Variants in ZNF214 observed in about 807,000 individuals in gnomAD.
ZNF214 encodes BWSCR2-associated zinc finger protein 1.
ZNF214 carries 43 observed loss-of-function variants against 53.9 expected under a neutral mutation model. The ratio of observed to expected loss-of-function variants is 0.80; its 90% CI spans 0.63 to 1.03. ZNF214 has a LOEUF of 1.03. Among genes scored for constraint, ZNF214 ranks in the 50% least tolerant of loss-of-function variants. The probability of loss-of-function intolerance (pLI) is 0.00; values close to 1 mark genes in which losing one functional copy is unlikely to be tolerated. For missense variants in ZNF214, 724 were observed against 719.1 expected, an observed-to-expected ratio of 1.01 and a Z score of -0.08; for synonymous variants, 217 against 229.5, an observed-to-expected ratio of 0.95 and a Z score of 0.49.
At position 7,012,710 on chromosome 11, in the gene ZNF214, C is replaced by T. The variant is rs543797812; in HGVS notation, c.-21+7363G>A. On this transcript the variant is annotated intron_variant, in intron 1 of 2. Coordinates refer to ENST00000278314, the MANE Select transcript of ZNF214 (RefSeq NM_013249.4). ...GATTATTTGATGCTATGAAATTATC[C>T]CAAGGCATCAAAAACTGTTCAAGGC... Among the ~76,000 whole-genome samples the T allele has an allele frequency of 7.9e-5, 12 of 152,078 alleles. No individual in the cohort carries two copies. In the South Asian group the frequency reaches 2.5e-3, roughly 32 times the overall value.
At position 6,997,337 on chromosome 11, in the gene ZNF214, G is replaced by C. The variant is rs1440441278; in HGVS notation, c.*2525C>G. Among the ~76,000 whole-genome samples, 1 of 151,720 alleles carries C rather than the reference G, an allele frequency of 6.6e-6. No individual in the cohort carries two copies. Among genetic ancestry groups the C allele is most frequent in the African/African-American group, 2.4e-5 (1 of 41,356 alleles). On this transcript the variant is annotated 3_prime_UTR_variant, in exon 3 of 3. Coordinates refer to ENST00000278314, the MANE Select transcript of ZNF214 (RefSeq NM_013249.4). ...TTTAAGCAATATCACATTTTCATCT[G>C]TTATAGCACATAATTAGAAATTTTT...
Position 7,000,664 on chromosome 11 carries a change from C to T in ZNF214, c.1019G>A (p.Ser340Asn). The change falls in exon 3 of 3, where the codon AGT becomes AAT. Residue 340 changes from serine to asparagine, a missense_variant. By Grantham distance (46) the Ser-to-Asn change is conservative. Transcript: ENST00000278314. ...GTGAATGTGAAGTAATGAATTTCTACTGAGGTCTTTATCACACTCAATTTT... is the reference window on the plus strand; with the variant it reads ...GTGAATGTGAAGTAATGAATTTCTATTGAGGTCTTTATCACACTCAATTTT... ...FYKIECDKDLSRNSLLHIHQR... is the reference protein window; with the variant it reads ...FYKIECDKDLNRNSLLHIHQR... The T allele has an allele frequency of 3.1e-6, 5 of 1,599,288 alleles. No homozygotes were observed. The South Asian group carries it at 4.5e-5, about 14-fold the overall frequency.
chr11:7,001,629 G>T lies in ZNF214; in HGVS notation c.128-74C>A. On this transcript the variant is annotated intron_variant, in intron 2 of 2. Transcript: ENST00000278314. ...AAAATTTCCAACTATCTAAATCAAT[G>T]ACCTTTAAATGATAGGAATATATGT... The T allele has an allele frequency of 2.0e-6, 3 of 1,479,260 alleles. No individual in the cohort carries two copies. The South Asian group carries it at 4.1e-5, about 20-fold the overall frequency. The allele number at this position is 1,479,260 out of a possible 1,614,324, so 91.6% of individuals were successfully genotyped here.
chr11:7,000,021 A>G lies in ZNF214; in HGVS notation c.1662T>C (p.Tyr554=), dbSNP rs1564988136. The change falls in exon 3 of 3, where the codon TAT becomes TAC. Residue 554 remains tyrosine (Y), a synonymous_variant. Coordinates refer to ENST00000278314, the MANE Select transcript of ZNF214 (RefSeq NM_013249.4). ...HQRVHTGEKP[Y]QCAKCGKGFS... Reference sequence around the variant, plus strand: ...AACCTTTACCACACTTAGCACATTGATAAGGCTTCTCTCCTGTATGGACCC... The same window carrying G: ...AACCTTTACCACACTTAGCACATTGGTAAGGCTTCTCTCCTGTATGGACCC... 1 of 1,613,356 alleles carries G rather than the reference A, an allele frequency of 6.2e-7. No individual in the cohort carries two copies. The highest frequency in any genetic ancestry group is 8.5e-7 in the Non-Finnish European group (1 of 1,179,538).
intron 1 of ZNF214, among the ~76,000 whole-genome samples, chr11:7,017,680 A>C: frequency 6.6e-6 from 1 of 151,800 alleles, no homozygotes. Context: ...CTGAGGTTGC[A>C]GTGAGCCGAG....
At chr11:7,012,963 G>A (rs1225363117) in intron 1 of ZNF214, among the ~76,000 whole-genome samples, 2 of 150,062 alleles carry the variant, frequency 1.3e-5, no homozygotes, top group African/African-American at 2.4e-5. Flanking sequence ...AAGATAAGTT[G>A]TTGGTTACAT....
chr11:7,017,744 A>G (rs1851807185), intron 1 of ZNF214, among the ~76,000 whole-genome samples: 1 of 152,022 alleles, frequency 6.6e-6, no homozygotes, highest in Non-Finnish European at 1.5e-5. Flanking sequence ...GTCTCAAAAA[A>G]AAAAAAAGCA....
chr11:7,007,853 TGTATTAGTCCATAAAAG>T (rs1477502444), intron 1 of ZNF214, among the ~76,000 whole-genome samples: 1 of 106,756 alleles, frequency 9.4e-6, no homozygotes, highest in Non-Finnish European at 2.2e-5. Flanking sequence ...AGATAGACCA[TGTATTAGTCCATAAAAG>T]AAATCATGAT....
intron 1 of ZNF214, among the ~76,000 whole-genome samples, chr11:7,011,643 C>T (rs974379971): frequency 2.0e-5 from 3 of 152,074 alleles, no homozygotes; most frequent in African/African-American, 4.8e-5. Flanking sequence ...CTGCTTTCAA[C>T]ACAGCACTAG....
chr11:7,018,627 G>C (rs1179875580), intron 1 of ZNF214, among the ~76,000 whole-genome samples: 1 of 149,266 alleles, frequency 6.7e-6, no homozygotes, highest in Non-Finnish European at 1.5e-5. Flanking sequence ...TCAGCCTCCT[G>C]AGTAGCTGGG....
rs1007477925 is a variant in ZNF214, at chr11:7,001,494, A to C, written c.189T>G (p.Asn63Lys). Residue 63 changes from asparagine (N) to lysine (K), a missense_variant, in exon 3 of 3, where the codon AAT becomes AAG. Asn to Lys is a moderately conservative substitution (Grantham distance 94, BLOSUM62 0). Coordinates refer to ENST00000278314, the MANE Select transcript of ZNF214 (RefSeq NM_013249.4). ...EEKFRYLEYE[N>K]FSYWQGWWNA... is the part of the protein sequence containing the mutation. ...TCCACCAGCCTTGCCAGTAGGAAAA[A>C]TTTTCATATTCTAAGTATCTGAATT... 3.7e-6 allele frequency: 6 copies of C among 1,611,556 alleles called. No homozygotes were observed. Among genetic ancestry groups the C allele is most frequent in the African/African-American group, 2.7e-5 (2 of 74,696 alleles).
At position 6,998,919 on chromosome 11, in the gene ZNF214, G is replaced by T. The variant is rs1297942681; in HGVS notation, c.*943C>A. ...TGTATTCCGACTAACTCTATTCTGA[G>T]ATAATGGCCAAACTCTCTTTTTACA... On this transcript the variant is annotated 3_prime_UTR_variant, in exon 3 of 3. Transcript: ENST00000278314. Among the ~76,000 whole-genome samples the T allele has an allele frequency of 6.6e-6, 1 of 151,898 alleles. No individual in the cohort carries two copies. The highest frequency in any genetic ancestry group is 2.4e-5 in the African/African-American group (1 of 41,394).
intron 2 of ZNF214, 27 bp downstream of exon 2, chr11:7,002,682 A>G: frequency 6.4e-7 from 1 of 1,558,608 alleles, no homozygotes; most frequent in Non-Finnish European, 8.6e-7. Context: ...AAGAAACTCT[A>G]TTCCCTATGA....
intron 1 of ZNF214, among the ~76,000 whole-genome samples, chr11:7,005,173 T>C (rs899911319): frequency 2.0e-5 from 3 of 151,882 alleles, no homozygotes; most frequent in African/African-American, 7.2e-5. Context: ...AATAGATATA[T>C]TTCTGTATGA....
chr11:7,007,865 TAAAAG>T (rs142710652), intron 1 of ZNF214, among the ~76,000 whole-genome samples: 86,909 of 151,304 alleles, frequency 0.57, 25,832 homozygotes, highest in East Asian at 0.73. Flanking sequence ...TATTAGTCCA[TAAAAG>T]AAATCATGAT....
intron 1 of ZNF214, among the ~76,000 whole-genome samples, chr11:7,007,017 G>GA (rs1183086639): frequency 6.6e-6 from 1 of 151,532 alleles, no homozygotes; most frequent in African/African-American, 2.4e-5. Context: ...AGTGAACAAA[G>GA]AAAAAAGGAG....
intron 1 of ZNF214, among the ~76,000 whole-genome samples, chr11:7,014,824 A>C (rs1048390827): frequency 2.0e-5 from 3 of 151,104 alleles, no homozygotes; most frequent in East Asian, 1.9e-4. Flanking sequence ...AAAAAACAAA[A>C]AAAAAACACT....
chr11:6,999,951 C>T lies in ZNF214; in HGVS notation c.1732G>A (p.Gly578Arg). ...ALRIHQRVHA[G>R]EKPYKCREYY... Reference sequence around the variant, plus strand: ...TCACGGCATTTGTAAGGTTTCTCTCCTGCATGGACTCTTTGATGAATTCGA... The same window carrying T: ...TCACGGCATTTGTAAGGTTTCTCTCTTGCATGGACTCTTTGATGAATTCGA... Residue 578 changes from glycine (G) to arginine (R), a missense_variant, in exon 3 of 3, where the codon GGA (glycine) becomes AGA (arginine). Physicochemically the swap from Gly to Arg is moderately radical, Grantham distance 125. Transcript: ENST00000278314. 9 of 1,613,076 alleles carry T rather than the reference C, an allele frequency of 5.6e-6. No individual in the cohort carries two copies. The highest frequency in any genetic ancestry group is 7.6e-6 in the Non-Finnish European group (9 of 1,179,430).
chr11:7,009,941 G>T (rs1324628766), intron 1 of ZNF214, among the ~76,000 whole-genome samples: 1 of 152,056 alleles, frequency 6.6e-6, no homozygotes, highest in Non-Finnish European at 1.5e-5. Context: ...AAGTAGCAGA[G>T]AAAAAGGAAT....
Sources: allele counts gnomAD v4.1 joint callset (sites outside exome capture counted in the v4.1 genomes callset), GRCh38; gene constraint gnomAD v4.1.1; transcripts MANE v1.5; gene names NCBI Gene and HGNC (gene_info 2026-07-23, HGNC 2026-07-21).